AGO2: variants seen among roughly 807,000 people sequenced by gnomAD.
The protein encoded by AGO2 is argonaute RISC catalytic component 2.
A neutral mutation model predicts 102.3 loss-of-function variants in AGO2; 5 were observed. The observed-to-expected ratio is 0.05, with a 90% CI of 0.03 to 0.10. The LOEUF is 0.10. Among genes scored for constraint, AGO2 ranks in the 10% least tolerant of loss-of-function variants. The pLI is 1.00. For synonymous variants in AGO2, 449 were observed against 473.1 expected, an observed-to-expected ratio of 0.95 and a Z score of 0.66; for missense variants, 541 against 1,183.7, an observed-to-expected ratio of 0.46 and a Z score of 7.97.
intron 1 of AGO2, among the ~76,000 whole-genome samples, chr8:140,590,234 C>A (rs943761190): frequency 1.3e-5 from 2 of 152,206 alleles, no homozygotes; most frequent in African/African-American, 4.8e-5. Flanking sequence ...CCCCCTCCCC[C>A]CGGTCTGACT....
intron 2 of AGO2, among the ~76,000 whole-genome samples, chr8:140,577,399 G>A (rs986169597): frequency 6.6e-6 from 1 of 152,166 alleles, no homozygotes; most frequent in Non-Finnish European, 1.5e-5. Context: ...TGGGGCAGGT[G>A]CTTTGGGGTT....
Position 140,594,453 on chromosome 8 carries a change from G to A in AGO2, c.23-9142C>T, listed in dbSNP as rs930310327. On this transcript the variant is annotated intron_variant, in intron 1 of 18. Coordinates refer to ENST00000220592, the MANE Select transcript of AGO2 (RefSeq NM_012154.5). Reference sequence around the variant, plus strand: ...TCTGGGATTACAGGCATGAGCCACCGTGCCCGGCCCTCTTTCTTAGAACCA... The same window carrying A: ...TCTGGGATTACAGGCATGAGCCACCATGCCCGGCCCTCTTTCTTAGAACCA... Among the ~76,000 whole-genome samples, 7 of 152,120 alleles carry A rather than the reference G, an allele frequency of 4.6e-5. No homozygotes were observed. The South Asian group carries it at 6.2e-4, about 14-fold the overall frequency.
chr8:140,560,368 G>A lies in AGO2; in HGVS notation c.655+6C>T. ...CCTGCAGTGAAGACCCCAGGGCGCTGCTTACCATCAATATTCAGCATCATT... is the reference window on the plus strand; with the variant it reads ...CCTGCAGTGAAGACCCCAGGGCGCTACTTACCATCAATATTCAGCATCATT... On this transcript the variant is annotated splice_donor_region_variant and intron_variant, in intron 5 of 18. Transcript: ENST00000220592. 2 of 1,613,972 alleles carry A rather than the reference G, an allele frequency of 1.2e-6. No individual in the cohort carries two copies. Among genetic ancestry groups the A allele is most frequent in the East Asian group, 2.2e-5 (1 of 44,874 alleles).
At chr8:140,624,679 C>T (rs184086712) in intron 1 of AGO2, among the ~76,000 whole-genome samples, 6 of 152,374 alleles carry the variant, frequency 3.9e-5, no homozygotes, top group Non-Finnish European at 5.9e-5. Context: ...ACTCTGGCAC[C>T]GTGTGCTCCC....
chr8:140,613,230 C>A (rs1162634678), intron 1 of AGO2, among the ~76,000 whole-genome samples: 5 of 152,026 alleles, frequency 3.3e-5, no homozygotes, highest in East Asian at 3.8e-4. Context: ...AACAAAAAAA[C>A]CCCAACATAT....
At chr8:140,535,395 C>G in intron 17 of AGO2, 73 bp downstream of exon 17, 3 of 1,492,676 alleles carry the variant, frequency 2.0e-6, no homozygotes, top group Non-Finnish European at 2.8e-6. Context: ...AGCCAGAGTG[C>G]AAGTGTTTGC....
rs1163573705 is a variant in AGO2, at chr8:140,535,503, A to G, written c.2236T>C (p.Phe746Leu). Residue 746 changes from phenylalanine (F) to leucine (L), a missense_variant, in exon 17 of 19, where the codon TTC (phenylalanine) becomes CTC (leucine). Phe to Leu is a conservative substitution (Grantham distance 22). This residue lies in a region of AGO2 where 309 missense variants were observed against 735.1 expected (regional missense o/e 0.42). Coordinates refer to ENST00000220592, the MANE Select transcript of AGO2 (RefSeq NM_012154.5). ...VDTKITHPTE[F>L]DFYLCSHAGI... ...GCGTGACTACACAGGTAGAAGTCGA[A>G]CTCGGTGGGGTGGGTGATTTTCGTG... 6.2e-7 allele frequency: 1 copy of G among 1,614,208 alleles called. No homozygotes were observed.
At chr8:140,624,006 C>CAGG (rs10659384) in intron 1 of AGO2, among the ~76,000 whole-genome samples, 85,723 of 151,714 alleles carry the variant, frequency 0.57, 24,778 homozygotes, top group African/African-American at 0.69. Flanking sequence ...GTGATGGAGA[C>CAGG]AGGACAGGAG....
chr8:140,566,368 C>A (rs2073284283), intron 3 of AGO2, among the ~76,000 whole-genome samples: 1 of 152,188 alleles, frequency 6.6e-6, no homozygotes, highest in Admixed American at 6.5e-5. Context: ...TAAACTTTTT[C>A]TTTTGTAAAT....
Position 140,557,122 on chromosome 8 carries a change from T to C in AGO2, c.993A>G (p.Gly331=). Reference sequence around the variant, plus strand: ...GAAGGTAGGTGTGTTTCTGCTCCTGTCCGACTTGTAAACATGGGAGGTGGG... The same window carrying C: ...GAAGGTAGGTGTGTTTCTGCTCCTGCCCGACTTGTAAACATGGGAGGTGGG... The part of the protein sequence containing the change: ...RYPHLPCLQV[G]QEQKHTYLPL... The change falls in exon 8 of 19, where the codon GGA becomes GGG. Residue 331 remains glycine (G), a synonymous_variant. Coordinates refer to ENST00000220592, the MANE Select transcript of AGO2 (RefSeq NM_012154.5). The surrounding 1 kb of genome is among the most constrained non-coding windows in gnomAD (Gnocchi z 5.9). The C allele has an allele frequency of 6.2e-7, 1 of 1,614,030 alleles. No homozygotes were observed. Among genetic ancestry groups the C allele is most frequent in the Non-Finnish European group, 8.5e-7 (1 of 1,179,978 alleles).
chr8:140,542,209 C>A (rs2072812652), intron 14 of AGO2, among the ~76,000 whole-genome samples: 1 of 152,044 alleles, frequency 6.6e-6, no homozygotes, highest in South Asian at 2.1e-4. Context: ...CGGGTAGATC[C>A]CCACGTGTCG....
At position 140,532,028 on chromosome 8, in the gene AGO2, T is replaced by C; in HGVS notation, c.*16A>G. On this transcript the variant is annotated 3_prime_UTR_variant, in exon 19 of 19. Coordinates refer to ENST00000220592, the MANE Select transcript of AGO2 (RefSeq NM_012154.5). ...TGAATCCCACTCGGTACACAATCGC[T>C]AAACACTAAAACATGTCAAGCAAAG... is the stretch of plus-strand genomic sequence containing the variant. 6.2e-7 allele frequency: 1 copy of C among 1,612,538 alleles called. No individual in the cohort carries two copies. Among genetic ancestry groups the C allele is most frequent in the Non-Finnish European group, 8.5e-7 (1 of 1,178,600 alleles).
intron 13 of AGO2, among the ~76,000 whole-genome samples, 173 bp from the exon 14 acceptor site, chr8:140,544,476 G>T (rs1379625585): frequency 2.0e-5 from 3 of 152,218 alleles, no homozygotes; most frequent in East Asian, 3.9e-4. Context: ...ATGACACAAG[G>T]TCTGAAATCT....
At chr8:140,580,750 T>A (rs956249173) in intron 2 of AGO2, among the ~76,000 whole-genome samples, 1 of 152,264 alleles carries the variant, frequency 6.6e-6, no homozygotes, top group Non-Finnish European at 1.5e-5. Context: ...AACATTTTAC[T>A]TCTGACATTT....
chr8:140,562,432 G>A, intron 4 of AGO2, 21 bp downstream of exon 4: 1 of 1,598,950 alleles, frequency 6.3e-7, no homozygotes, highest in Non-Finnish European at 8.5e-7. Context: ...CCCCGCCCTT[G>A]GTCCCGTGTG....
At chr8:140,586,877 C>T (rs892837427) in intron 1 of AGO2, among the ~76,000 whole-genome samples, 57 of 152,182 alleles carry the variant, frequency 3.7e-4, no homozygotes, top group African/African-American at 1.3e-3. Context: ...GGGTCGGGCA[C>T]GCTCCTCTCG....
At chr8:140,559,305 C>A in intron 6 of AGO2, 90 bp downstream of exon 6, 1 of 1,526,682 alleles carries the variant, frequency 6.6e-7, no homozygotes, top group South Asian at 1.2e-5. Context: ...CAAATGCGCA[C>A]AAGAACCAGA....
intron 2 of AGO2, among the ~76,000 whole-genome samples, chr8:140,581,919 T>C (rs1337255802): frequency 6.6e-6 from 1 of 152,090 alleles, no homozygotes; most frequent in African/African-American, 2.4e-5. Context: ...GCTTAGAACA[T>C]TTTTACCACC....
chr8:140,566,619 G>GT (rs1250265003), intron 3 of AGO2, among the ~76,000 whole-genome samples: 2 of 116,668 alleles, frequency 1.7e-5, no homozygotes, highest in Admixed American at 8.5e-5. Context: ...TTTTTTTTTT[G>GT]GGGGGGGGGA....
Sources: allele counts gnomAD v4.1 joint callset (sites outside exome capture counted in the v4.1 genomes callset), GRCh38; gene constraint gnomAD v4.1.1; regional missense constraint gnomAD v4.1.1; non-coding constraint Gnocchi (gnomAD v3.1); transcripts MANE v1.5; gene names NCBI Gene and HGNC (gene_info 2026-07-23, HGNC 2026-07-21).